The following RBKS variants were observed in gnomAD, a reference collection of about 807,000 sequenced individuals.
The protein encoded by RBKS is ribokinase.
Under a neutral mutation model 33.9 loss-of-function variants are expected in RBKS, and 33 were observed. The observed-to-expected ratio is 0.97, with a 90% CI of 0.74 to 1.30. RBKS has a LOEUF of 1.30. Ranked by LOEUF, RBKS falls within the 50% of genes most tolerant of loss-of-function variation. The probability of loss-of-function intolerance (pLI) is 0.00; values close to 1 mark genes in which losing one functional copy is unlikely to be tolerated. For missense variants in RBKS, 361 were observed against 392.6 expected, an observed-to-expected ratio of 0.92 and a Z score of 0.68; for synonymous variants, 125 against 143.0, an observed-to-expected ratio of 0.87 and a Z score of 0.90.
In RBKS at chr2:27,847,964, C is replaced by T. The variant is rs1663653965; in HGVS notation, c.286+70G>A. 71 of 872,966 alleles carry T rather than the reference C, an allele frequency of 8.1e-5. 1 individual carries two copies. In the South Asian group the frequency reaches 1.1e-3, roughly 13 times the overall value. 54.1% of individuals were successfully genotyped at this position (872,966 alleles called of 1,614,324 possible). A position where few individuals can be genotyped will look rare whatever the true frequency, so the allele number is the denominator to read the frequency against. On this transcript the variant is annotated intron_variant, in intron 3 of 7. Coordinates refer to ENST00000302188, the MANE Select transcript of RBKS (RefSeq NM_022128.3). ...AGGTCTAATAATCCTCCTCTAGATTCAATTTTTCTCATAACAAAATCACAG... is the reference window on the plus strand; with the variant it reads ...AGGTCTAATAATCCTCCTCTAGATTTAATTTTTCTCATAACAAAATCACAG...
intron 1 of RBKS, chr2:27,861,669 G>GGGA: frequency 2.3e-6 from 1 of 429,776 alleles, no homozygotes; most frequent in Non-Finnish European, 4.8e-6. Context: ...TTTTTGGGGG[G>GGGA]GGGGTGGAGT....
At chr2:27,861,686 T>TAG (rs1200223654) in intron 1 of RBKS, 1 of 427,710 alleles carries the variant, frequency 2.3e-6, no homozygotes, top group Non-Finnish European at 4.8e-6. Flanking sequence ...GAGTCTCACT[T>TAG]TGTCTCCCAG....
intron 1 of RBKS, among the ~76,000 whole-genome samples, chr2:27,880,368 G>A (rs775271916): frequency 1.5e-4 from 23 of 152,130 alleles, no homozygotes; most frequent in Admixed American, 9.2e-4. Flanking sequence ...AGCACAAGAC[G>A]AGGATGCCTC....
chr2:27,854,822 T>C (rs1388858526), intron 2 of RBKS, among the ~76,000 whole-genome samples: 1 of 151,980 alleles, frequency 6.6e-6, no homozygotes, highest in African/African-American at 2.4e-5. Context: ...ATATATTTAA[T>C]GTATACATTT....
At chr2:27,870,560 C>A (rs534722457) in intron 1 of RBKS, 1 of 347,320 alleles carries the variant, frequency 2.9e-6, no homozygotes, top group Admixed American at 3.8e-5. Flanking sequence ...TGCGAAGAGA[C>A]GTGAGTTAAG....
intron 7 of RBKS, chr2:27,809,577 C>G (rs1383631674): frequency 5.3e-6 from 1 of 189,638 alleles, no homozygotes; most frequent in Non-Finnish European, 1.1e-5. Flanking sequence ...AAAGGTTGGC[C>G]TTTTGCCTTT....
At chr2:27,798,464 T>C (rs1677703157) in intron 7 of RBKS, among the ~76,000 whole-genome samples, 1 of 152,152 alleles carries the variant, frequency 6.6e-6, no homozygotes, top group Non-Finnish European at 1.5e-5. Context: ...CCTTCCCATA[T>C]ACTTCATCAA....
chr2:27,784,306 T>G (rs1037971946), intron 7 of RBKS, among the ~76,000 whole-genome samples: 2 of 152,122 alleles, frequency 1.3e-5, no homozygotes, highest in African/African-American at 4.8e-5. Context: ...TTCTACCTCT[T>G]CCCAGTTTGT....
intron 7 of RBKS, among the ~76,000 whole-genome samples, chr2:27,785,549 G>C (rs571368422): frequency 6.6e-6 from 1 of 151,970 alleles, no homozygotes; most frequent in Admixed American, 6.6e-5. Context: ...TGGATCACGA[G>C]GTCAGGAGTT....
chr2:27,871,043 G>A (rs776044627), intron 1 of RBKS, among the ~76,000 whole-genome samples: 5 of 152,154 alleles, frequency 3.3e-5, no homozygotes, highest in African/African-American at 4.8e-5. Flanking sequence ...TAGTTATGGT[G>A]CCAGCTGAAT....
intron 7 of RBKS, among the ~76,000 whole-genome samples, chr2:27,791,919 A>C (rs1677534480): frequency 1.3e-5 from 2 of 152,182 alleles, no homozygotes; most frequent in Admixed American, 1.3e-4. Context: ...TACATTCATC[A>C]AAACTCATTG....
At chr2:27,877,408 T>G (rs927449139) in intron 1 of RBKS, among the ~76,000 whole-genome samples, 1 of 152,166 alleles carries the variant, frequency 6.6e-6, no homozygotes, top group Non-Finnish European at 1.5e-5. Flanking sequence ...TTTGTAAATT[T>G]TTTGAGCTAA....
chr2:27,876,163 G>A (rs1190651674), intron 1 of RBKS, among the ~76,000 whole-genome samples: 1 of 152,052 alleles, frequency 6.6e-6, no homozygotes, highest in Non-Finnish European at 1.5e-5. Flanking sequence ...TGAAAACAGG[G>A]GCTCAAACAG....
intron 7 of RBKS, among the ~76,000 whole-genome samples, chr2:27,797,835 G>C (rs928254661): frequency 2.6e-5 from 4 of 152,158 alleles, no homozygotes; most frequent in African/African-American, 9.7e-5. Context: ...AGGTCAGGAG[G>C]GGGTCAACAG....
chr2:27,851,314 A>C (rs1465839079), intron 2 of RBKS, among the ~76,000 whole-genome samples: 1 of 151,848 alleles, frequency 6.6e-6, no homozygotes, highest in Non-Finnish European at 1.5e-5. Context: ...TACCTTCCCT[A>C]CTCTGGCCCT....
chr2:27,862,268 G>C (rs183261564), intron 1 of RBKS, among the ~76,000 whole-genome samples: 36 of 152,030 alleles, frequency 2.4e-4, no homozygotes, highest in African/African-American at 8.2e-4. Context: ...TTATTTAAAA[G>C]GAAAAAGATA....
rs953471356 is a variant in RBKS at position 27,795,657 on chromosome 2, G to A, written c.796-13869C>T. ...CCAGTCATTTGTCCAGAGTCACAGA[G>A]CTGGTAAATGGCAGAGCTGCACTTT... is the stretch of plus-strand genomic sequence containing the variant. On this transcript the variant is annotated intron_variant, in intron 7 of 7. Transcript: ENST00000302188. The surrounding 1 kb of genome is among the most constrained non-coding windows in gnomAD (Gnocchi z 4.1). Among the ~76,000 whole-genome samples the A allele has an allele frequency of 1.3e-5, 2 of 152,150 alleles. No individual in the cohort carries two copies. The highest frequency in any genetic ancestry group is 4.8e-5 in the African/African-American group (2 of 41,436).
intron 1 of RBKS, chr2:27,861,673 G>GGT: frequency 4.8e-6 from 2 of 412,556 alleles, no homozygotes; most frequent in Non-Finnish European, 5.0e-6. Flanking sequence ...TGGGGGGGGG[G>GGT]TGGAGTCTCA....
intron 1 of RBKS, among the ~76,000 whole-genome samples, chr2:27,865,245 A>G (rs909401946): frequency 6.6e-6 from 1 of 152,142 alleles, no homozygotes; most frequent in Non-Finnish European, 1.5e-5. Context: ...GCGTGAACCC[A>G]GGAGGCGGAG....
Sources: allele counts gnomAD v4.1 joint callset (sites outside exome capture counted in the v4.1 genomes callset), GRCh38; gene constraint gnomAD v4.1.1; non-coding constraint Gnocchi (gnomAD v3.1); transcripts MANE v1.5; gene names NCBI Gene and HGNC (gene_info 2026-07-23, HGNC 2026-07-21).